CNTNAP2: variants seen among roughly 807,000 people sequenced by gnomAD.
CNTNAP2 encodes the protein contactin-associated protein-like 2.
A neutral mutation model predicts 155.2 loss-of-function variants in CNTNAP2; 98 were observed. That is an observed-to-expected ratio of 0.63 (90% CI 0.54 to 0.75). CNTNAP2 has a LOEUF of 0.75. Among genes scored for constraint, CNTNAP2 ranks in the 30% least tolerant of loss-of-function variants. CNTNAP2 has a pLI of 0.00. For synonymous variants in CNTNAP2, 651 were observed against 631.2 expected, an observed-to-expected ratio of 1.03 and a Z score of -0.47; for missense variants, 1,727 against 1,688.1, an observed-to-expected ratio of 1.02 and a Z score of -0.40.
At chr7:147,356,329 T>G (rs1010600439) in intron 9 of CNTNAP2, among the ~76,000 whole-genome samples, 1 of 152,016 alleles carries the variant, frequency 6.6e-6, no homozygotes, top group Non-Finnish European at 1.5e-5. Flanking sequence ...CAATATCATA[T>G]TGAATGGGCA....
intron 8 of CNTNAP2, among the ~76,000 whole-genome samples, chr7:147,203,160 A>G (rs1584790604): frequency 6.6e-6 from 1 of 152,288 alleles, no homozygotes; most frequent in Non-Finnish European, 1.5e-5. Flanking sequence ...TTACATTGAC[A>G]CAAAAAGTTA....
At chr7:146,349,210 T>A (rs1472982246) in intron 1 of CNTNAP2, among the ~76,000 whole-genome samples, 1 of 152,136 alleles carries the variant, frequency 6.6e-6, no homozygotes, top group East Asian at 1.9e-4. Context: ...CAGAAATAAA[T>A]CACAAGTTCT....
At chr7:146,208,480 C>G (rs1236572698) in intron 1 of CNTNAP2, among the ~76,000 whole-genome samples, 8 of 151,774 alleles carry the variant, frequency 5.3e-5, no homozygotes, top group Non-Finnish European at 1.2e-4. Context: ...ATGTCCTTAC[C>G]CTTTGATTTC....
At chr7:147,560,193 T>TAAAAAAAAAAAAAAAAAA (rs1800034892) in intron 11 of CNTNAP2, among the ~76,000 whole-genome samples, 1 of 90,048 alleles carries the variant, frequency 1.1e-5, no homozygotes, top group African/African-American at 3.8e-5. Context: ...AAAAAAAAAT[T>TAAAAAAAAAAAAAAAAAA]GAATCAGTCC....
chr7:148,149,430 G>A (rs1051602416), intron 17 of CNTNAP2, among the ~76,000 whole-genome samples: 2 of 152,166 alleles, frequency 1.3e-5, no homozygotes, highest in Non-Finnish European at 2.9e-5. Context: ...GAAGAATGAA[G>A]AGGAATAGAA....
At chr7:146,309,446 C>T (rs1800780272) in intron 1 of CNTNAP2, among the ~76,000 whole-genome samples, 1 of 152,076 alleles carries the variant, frequency 6.6e-6, no homozygotes, top group South Asian at 2.1e-4. Flanking sequence ...GCAAGTAGAT[C>T]TCAAAGCCAT....
rs199529235 is a variant in CNTNAP2 at position 147,949,458 on chromosome 7, ATTTT to A, written c.2256-28395_2256-28392del. On this transcript the variant is annotated intron_variant, in intron 14 of 23. Coordinates refer to ENST00000361727, the MANE Select transcript of CNTNAP2 (RefSeq NM_014141.6). ...ACTGTGTGTATATATATATATATAT[ATTTT>A]TTTTTTTTAGGTTTATTGCAGGAAC... Among the ~76,000 whole-genome samples the A allele has an allele frequency of 4.4e-5, 6 of 137,402 alleles. No homozygotes were observed. In the East Asian group the frequency reaches 8.5e-4, roughly 19 times the overall value. 90.1% of individuals were successfully genotyped at this position (137,402 alleles called of 152,430 possible).
intron 7 of CNTNAP2, among the ~76,000 whole-genome samples, chr7:147,130,128 G>T (rs894665005): frequency 3.3e-5 from 5 of 152,018 alleles, no homozygotes; most frequent in African/African-American, 9.7e-5. Flanking sequence ...AAAGATAGAT[G>T]TATAGCCTGG....
chr7:148,289,607 T>C (rs77661751), intron 21 of CNTNAP2, among the ~76,000 whole-genome samples: 24,019 of 151,598 alleles, frequency 0.16, 2,411 homozygotes, highest in African/African-American at 0.28. Flanking sequence ...ACACACCCCA[T>C]GTTGGGGAGG....
chr7:147,279,775 GC>G (rs2116723044), intron 8 of CNTNAP2, among the ~76,000 whole-genome samples: 1 of 151,882 alleles, frequency 6.6e-6, no homozygotes, highest in African/African-American at 2.4e-5. Context: ...CAATGTAAAC[GC>G]TAAATACTTT....
At chr7:146,976,708 G>A (rs542652165) in intron 3 of CNTNAP2, among the ~76,000 whole-genome samples, 1 of 152,234 alleles carries the variant, frequency 6.6e-6, no homozygotes, top group East Asian at 1.9e-4. Context: ...ACCTTTTATG[G>A]AGATTGCATT....
rs1240751147 is a variant in CNTNAP2, at chr7:147,775,231, A to ATATATATATATT, written c.2099-128317_2099-128306dup. On this transcript the variant is annotated intron_variant, in intron 13 of 23. Coordinates refer to ENST00000361727, the MANE Select transcript of CNTNAP2 (RefSeq NM_014141.6). The stretch of plus-strand genomic sequence containing the variant: ...CTTTTCCTATAAATACAAAAGAAAT[A>ATATATATATATT]TATATATATATTTATATATATATTT... Among the ~76,000 whole-genome samples, 101 of 93,944 alleles carry ATATATATATATT rather than the reference A, an allele frequency of 1.1e-3. 1 individual carries two copies. The highest frequency in any genetic ancestry group is 4.5e-3 in the Middle Eastern group (1 of 222). 61.6% of individuals were successfully genotyped at this position (93,944 alleles called of 152,430 possible).
chr7:148,285,837 G>C (rs1201192907), intron 21 of CNTNAP2, among the ~76,000 whole-genome samples: 2 of 152,138 alleles, frequency 1.3e-5, no homozygotes, highest in African/African-American at 2.4e-5. Context: ...AATTAGGGGT[G>C]CTGACCCCCT....
chr7:146,487,453 A>G (rs1797073594), intron 1 of CNTNAP2, among the ~76,000 whole-genome samples: 1 of 152,184 alleles, frequency 6.6e-6, no homozygotes, highest in South Asian at 2.1e-4. Context: ...ATGTCCTCCT[A>G]AGGAAGCTAT....
At chr7:147,636,697 G>C (rs534568920) in intron 12 of CNTNAP2, among the ~76,000 whole-genome samples, 2 of 152,166 alleles carry the variant, frequency 1.3e-5, no homozygotes, top group Admixed American at 1.3e-4. Flanking sequence ...ATTAACTTTC[G>C]TTAATTCCTC....
At chr7:146,210,505 T>C (rs1799017499) in intron 1 of CNTNAP2, among the ~76,000 whole-genome samples, 3 of 152,118 alleles carry the variant, frequency 2.0e-5, no homozygotes, top group African/African-American at 2.4e-5. Context: ...GGTTTCACAA[T>C]ATGGACCAGG....
chr7:147,683,781 G>A lies in CNTNAP2; in HGVS notation c.2098+44475G>A, dbSNP rs148240424. Among the ~76,000 whole-genome samples, 75 of 142,690 alleles carry A rather than the reference G, an allele frequency of 5.3e-4. No individual in the cohort carries two copies. The Middle Eastern group carries it at 0.011, about 22-fold the overall frequency. The allele number at this position is 142,690 out of a possible 152,430, so 93.6% of individuals were successfully genotyped here. On this transcript the variant is annotated intron_variant, in intron 13 of 23. Coordinates refer to ENST00000361727, the MANE Select transcript of CNTNAP2 (RefSeq NM_014141.6). ...TTAGCAGAATAACCCTACAGAATCCGTCAATATCCTGTCTTCACTGTGAAC... is the reference window on the plus strand; with the variant it reads ...TTAGCAGAATAACCCTACAGAATCCATCAATATCCTGTCTTCACTGTGAAC...
Position 146,442,174 on chromosome 7 carries a change from A to G in CNTNAP2, c.97+325201A>G, listed in dbSNP as rs568158688. ...CTTTCAAGTGATGAAATATCTATAT[A>G]TAAAACTGTAAGCCACAAGTTATTT... On this transcript the variant is annotated intron_variant, in intron 1 of 23. Transcript: ENST00000361727. 7.2e-4 allele frequency among the ~76,000 whole-genome samples: 109 copies of G among 151,812 alleles called. 2 individuals are homozygous for G. Among genetic ancestry groups the G allele is most frequent in the Non-Finnish European group, 1.5e-3 (99 of 68,028 alleles).
At chr7:146,613,794 T>TA (rs1439061062) in intron 1 of CNTNAP2, among the ~76,000 whole-genome samples, 8 of 152,148 alleles carry the variant, frequency 5.3e-5, no homozygotes, top group African/African-American at 1.9e-4. Context: ...AATTCCAAAA[T>TA]AAAAAGTATA....
Sources: allele counts gnomAD v4.1 joint callset (sites outside exome capture counted in the v4.1 genomes callset), GRCh38; gene constraint gnomAD v4.1.1; transcripts MANE v1.5; gene names NCBI Gene and HGNC (gene_info 2026-07-23, HGNC 2026-07-21).